NLGN1: variants seen among roughly 807,000 people sequenced by gnomAD.
NLGN1 encodes neuroligin 1, also known as neuroligin-1.
In NLGN1, 12 loss-of-function variants were observed where a neutral mutation model predicts 65.5. The ratio of observed to expected loss-of-function variants is 0.18; its 90% confidence interval spans 0.12 to 0.30. The LOEUF (loss-of-function observed/expected upper bound fraction) is 0.30, where lower values mean the gene tolerates loss of function less well. NLGN1 is among the 10% of genes least tolerant of loss of function. The pLI is 1.00. For synonymous variants in NLGN1, 350 were observed against 359.5 expected (o/e 0.97, Z 0.30); for missense variants, 750 against 1,007.1 (o/e 0.74, Z 3.46).
intron 1 of NLGN1, among the ~76,000 whole-genome samples, chr3:173,401,476 T>G (rs1228686251): frequency 3.3e-5 from 5 of 152,068 alleles, no homozygotes; most frequent in African/African-American, 1.2e-4. Context: ...ATGATAAGAT[T>G]TAAAAAACAA....
chr3:173,682,094 T>G (rs993247983), intron 3 of NLGN1, among the ~76,000 whole-genome samples: 1 of 152,170 alleles, frequency 6.6e-6, no homozygotes, highest in Non-Finnish European at 1.5e-5. Context: ...TTGTCTTTAC[T>G]CCCTTGTCTT....
At chr3:173,651,490 G>C (rs1759170663) in intron 3 of NLGN1, among the ~76,000 whole-genome samples, 1 of 152,058 alleles carries the variant, frequency 6.6e-6, no homozygotes, top group African/African-American at 2.4e-5. Flanking sequence ...TAGTGGGATT[G>C]CTGGATTGAA....
intron 2 of NLGN1, among the ~76,000 whole-genome samples, chr3:173,567,584 G>A (rs576720340): frequency 1.3e-5 from 2 of 151,214 alleles, no homozygotes; most frequent in Admixed American, 6.6e-5. Flanking sequence ...CACTTAAATC[G>A]TATGCTGAAC....
chr3:173,454,292 A>G (rs1722139427), intron 2 of NLGN1, among the ~76,000 whole-genome samples: 1 of 152,198 alleles, frequency 6.6e-6, no homozygotes, highest in African/African-American at 2.4e-5. Flanking sequence ...GGATTTCCAT[A>G]AGGATAAATG....
At chr3:174,289,967 A>ATG (rs1262169968), downstream of NLGN1, among the ~76,000 whole-genome samples, 5 of 104,416 alleles carry the variant, frequency 4.8e-5, no homozygotes, top group Non-Finnish European at 8.4e-5. Context: ...ATATATATAT[A>ATG]TGTATATATA....
chr3:173,676,155 G>A (rs1473441277), intron 3 of NLGN1, among the ~76,000 whole-genome samples: 1 of 151,966 alleles, frequency 6.6e-6, no homozygotes, highest in Non-Finnish European at 1.5e-5. Flanking sequence ...ATAAGATATA[G>A]CAAAAGGAAA....
chr3:173,889,360 C>T (rs1238519764), intron 4 of NLGN1, among the ~76,000 whole-genome samples: 2 of 152,112 alleles, frequency 1.3e-5, no homozygotes, highest in Non-Finnish European at 1.5e-5. Flanking sequence ...TTTCTTTCTG[C>T]GTAACTGTAG....
rs1047799352 is a variant in NLGN1 at position 174,105,094 on chromosome 3, A to G, written c.647-170221A>G. 5.3e-5 allele frequency among the ~76,000 whole-genome samples: 8 copies of G among 152,156 alleles called. No individual in the cohort carries two copies. In the East Asian group the frequency reaches 1.5e-3, roughly 29 times the overall value. ...TTTTATAAATACAGGTGAAAATAATATATGCTTGTGTTTTGGCCAAGTAGG... is the reference window on the plus strand; with the variant it reads ...TTTTATAAATACAGGTGAAAATAATGTATGCTTGTGTTTTGGCCAAGTAGG... On this transcript the variant is annotated intron_variant, in intron 4 of 6. Coordinates refer to ENST00000457714, the Ensembl canonical transcript of NLGN1.
intron 3 of NLGN1, among the ~76,000 whole-genome samples, chr3:173,704,271 A>G (rs934703706): frequency 2.6e-5 from 4 of 152,204 alleles, no homozygotes; most frequent in African/African-American, 9.6e-5. Flanking sequence ...TTATAGAACA[A>G]GTCTGTAACG....
At chr3:173,602,546 C>T (rs1750715626) in intron 2 of NLGN1, among the ~76,000 whole-genome samples, 1 of 152,018 alleles carries the variant, frequency 6.6e-6, no homozygotes, top group South Asian at 2.1e-4. Context: ...GCTTCTTTAT[C>T]CTTAACACAG....
chr3:174,199,951 C>G (rs1317260704), intron 4 of NLGN1, among the ~76,000 whole-genome samples: 2 of 152,196 alleles, frequency 1.3e-5, no homozygotes, highest in African/African-American at 2.4e-5. Context: ...CCAAGTTTGT[C>G]TGTCATTTTT....
chr3:173,949,009 A>G (rs1747707471), intron 4 of NLGN1, among the ~76,000 whole-genome samples: 4 of 152,068 alleles, frequency 2.6e-5, no homozygotes, highest in African/African-American at 7.2e-5. Flanking sequence ...CTATTTGCAG[A>G]CACCTCTCTT....
At chr3:173,737,998 G>A (rs1024428693) in intron 3 of NLGN1, among the ~76,000 whole-genome samples, 1 of 152,008 alleles carries the variant, frequency 6.6e-6, no homozygotes, top group Non-Finnish European at 1.5e-5. Context: ...TTTCCCTGAA[G>A]GCTAATGATG....
chr3:173,975,425 A>G (rs1011386929), intron 4 of NLGN1, among the ~76,000 whole-genome samples: 4 of 151,992 alleles, frequency 2.6e-5, no homozygotes, highest in Non-Finnish European at 4.4e-5. Context: ...TATCAGAAAA[A>G]GTTGACAGTT....
intron 2 of NLGN1, among the ~76,000 whole-genome samples, chr3:173,512,365 C>T (rs1403463889): frequency 3.9e-5 from 6 of 152,140 alleles, no homozygotes; most frequent in Admixed American, 2.0e-4. Flanking sequence ...ATGAAAGTGG[C>T]TCTCAGTAGA....
intron 2 of NLGN1, among the ~76,000 whole-genome samples, chr3:173,523,321 C>G (rs552705469): frequency 6.6e-6 from 1 of 151,574 alleles, no homozygotes; most frequent in African/African-American, 2.4e-5. Flanking sequence ...TCATCATACT[C>G]TTTTTGCATA....
chr3:173,867,777 AAAGT>A (rs1321284934), intron 4 of NLGN1, among the ~76,000 whole-genome samples: 4 of 152,130 alleles, frequency 2.6e-5, no homozygotes, highest in Non-Finnish European at 5.9e-5. Flanking sequence ...CTGAAGAGGC[AAAGT>A]AAGAGGAGCA....
intron 4 of NLGN1, among the ~76,000 whole-genome samples, chr3:174,197,518 CAAA>C (rs10663769): frequency 1.3e-4 from 13 of 100,396 alleles, no homozygotes; most frequent in South Asian, 1.2e-3. Flanking sequence ...TACTTAACCT[CAAA>C]AAAAAAAAAA....
intron 3 of NLGN1, among the ~76,000 whole-genome samples, chr3:173,761,126 T>G (rs1381603269): frequency 6.6e-6 from 1 of 152,080 alleles, no homozygotes; most frequent in East Asian, 1.9e-4. Context: ...CCCTTTTTGC[T>G]ATAATGTCTT....
Sources: gnomAD v4.1 joint callset for allele counts (sites outside exome capture counted in the v4.1 genomes callset) on GRCh38, gnomAD v4.1.1 for gene constraint, MANE v1.5 for transcripts, NCBI Gene and HGNC (gene_info 2026-07-23, HGNC 2026-07-21) for gene names.